Variants in FBXL13 observed in about 807,000 individuals in gnomAD.
FBXL13 encodes the protein F-box and leucine-rich repeat protein 13.
In FBXL13, 67 loss-of-function variants were observed where a neutral mutation model predicts 83.6. That is an observed-to-expected ratio of 0.80 (90% CI 0.66 to 0.98). FBXL13 has a LOEUF of 0.98. Ranked by LOEUF, FBXL13 falls within the 50% of genes least tolerant of loss-of-function variation. The pLI, the probability that FBXL13 is intolerant of heterozygous loss-of-function variation, is 0.00. For missense variants in FBXL13, 822 were observed against 866.5 expected (o/e 0.95, Z 0.64); for synonymous variants, 272 against 299.5 (o/e 0.91, Z 0.95).
chr7:103,073,984 T>G (rs1056224106), intron 1 of FBXL13, among the ~76,000 whole-genome samples: 28 of 151,968 alleles, frequency 1.8e-4, no homozygotes, highest in African/African-American at 6.8e-4. Context: ...AAAAAAGAGG[T>G]CAACAAAGGC....
intron 1 of FBXL13, among the ~76,000 whole-genome samples, chr7:103,056,213 C>CAT (rs1482884226): frequency 3.3e-5 from 5 of 152,148 alleles, no homozygotes; most frequent in Non-Finnish European, 7.4e-5. Flanking sequence ...CATATTGCAT[C>CAT]ATATATATAT....
At chr7:102,931,970 T>C (rs1214536158) in intron 8 of FBXL13, 37 bp from the exon 10 acceptor site, 3 of 1,591,950 alleles carry the variant, frequency 1.9e-6, no homozygotes, top group African/African-American at 1.3e-5. Context: ...AAACTACATA[T>C]TGCAAATGTT....
chr7:102,910,056 T>C (rs1396556339), intron 11 of FBXL13, among the ~76,000 whole-genome samples: 1 of 152,160 alleles, frequency 6.6e-6, no homozygotes, highest in African/African-American at 2.4e-5. Context: ...TTTGTAGAAC[T>C]CAAGTTCTGA....
At chr7:102,973,618 C>G (rs2129482558) in intron 6 of FBXL13, 1 of 766,228 alleles carries the variant, frequency 1.3e-6, no homozygotes. Flanking sequence ...AATCTTTCAT[C>G]TGGTGCCGAA....
intron 9 of FBXL13, among the ~76,000 whole-genome samples, chr7:102,931,145 A>C (rs1225277052): frequency 6.6e-6 from 1 of 152,202 alleles, no homozygotes; most frequent in African/African-American, 2.4e-5. Context: ...TTGGGGACAA[A>C]GGGAAAGGGC....
chr7:102,948,327 G>A (rs1443101072), intron 8 of FBXL13, among the ~76,000 whole-genome samples: 1 of 152,086 alleles, frequency 6.6e-6, no homozygotes, highest in Non-Finnish European at 1.5e-5. Flanking sequence ...GCTTCCCAAT[G>A]TGCTGGGATT....
chr7:102,912,829 T>C (rs1009112436), intron 11 of FBXL13, among the ~76,000 whole-genome samples: 35 of 152,200 alleles, frequency 2.3e-4, no homozygotes, highest in Admixed American at 2.0e-3. Flanking sequence ...GCTCAGACTG[T>C]CTCCACAAAA....
intron 14 of FBXL13, among the ~76,000 whole-genome samples, chr7:102,882,498 A>C (rs1311957051): frequency 6.6e-6 from 1 of 151,466 alleles, no homozygotes; most frequent in Non-Finnish European, 1.5e-5. Flanking sequence ...GCAGAGGCTC[A>C]CACTTGTATT....
intron 11 of FBXL13, among the ~76,000 whole-genome samples, chr7:102,890,182 A>G (rs1296137610): frequency 6.6e-6 from 1 of 152,214 alleles, no homozygotes; most frequent in Admixed American, 6.5e-5. Context: ...TCCTCTTCCT[A>G]AAATAATAGA....
chr7:102,958,620 A>G (rs1323304953), intron 8 of FBXL13, among the ~76,000 whole-genome samples: 1 of 151,870 alleles, frequency 6.6e-6, no homozygotes, highest in African/African-American at 2.4e-5. Context: ...AAGGTTTATA[A>G]TTATTTTATT....
rs144807462 is a variant in FBXL13, at chr7:102,977,955, G to T, written c.496-9838C>A. Among the ~76,000 whole-genome samples, 334 of 152,218 alleles carry T rather than the reference G, an allele frequency of 2.2e-3. 2 individuals carry two copies. The highest frequency in any genetic ancestry group is 7.6e-3 in the African/African-American group (317 of 41,538). On this transcript the variant is annotated intron_variant, in intron 6 of 19. Transcript: ENST00000313221. ...CACACCGGGGCCTGTTGTGGGGTGG[G>T]GGGAGAGGGGACGGATAGCATTAGG...
At chr7:102,833,141 T>A (rs754679406) in intron 17 of FBXL13, among the ~76,000 whole-genome samples, 167 bp from the exon 19 acceptor site, 1 of 152,230 alleles carries the variant, frequency 6.6e-6, no homozygotes, top group African/African-American at 2.4e-5. Flanking sequence ...AACATCTGTT[T>A]ATAGCAAAAG....
intron 8 of FBXL13, among the ~76,000 whole-genome samples, chr7:102,962,382 G>T (rs1825373157): frequency 6.6e-6 from 1 of 152,170 alleles, no homozygotes; most frequent in Non-Finnish European, 1.5e-5. Flanking sequence ...TACACTGTCG[G>T]TGGGACTGTA....
chr7:102,999,182 A>G (rs922362824), intron 6 of FBXL13, among the ~76,000 whole-genome samples: 2 of 152,032 alleles, frequency 1.3e-5, no homozygotes, highest in Admixed American at 6.6e-5. Flanking sequence ...TGAAATGTTC[A>G]TACGGTTGTC....
intron 1 of FBXL13, among the ~76,000 whole-genome samples, chr7:103,069,714 C>A (rs1213696023): frequency 6.6e-6 from 1 of 152,238 alleles, no homozygotes; most frequent in African/African-American, 2.4e-5. Flanking sequence ...CGAACCTTTG[C>A]TGGCGAAAGA....
chr7:102,834,135 A>AG (rs1562926558), intron 17 of FBXL13, among the ~76,000 whole-genome samples: 2 of 66,846 alleles, frequency 3.0e-5, no homozygotes, highest in African/African-American at 2.0e-4. Flanking sequence ...AGAAAGAAAG[A>AG]AAGAAAAGAG....
intron 9 of FBXL13, among the ~76,000 whole-genome samples, chr7:102,930,626 C>G (rs987269360): frequency 6.6e-6 from 1 of 152,142 alleles, no homozygotes; most frequent in African/African-American, 2.4e-5. Flanking sequence ...TTCTGAAACT[C>G]TTTACTCACT....
At chr7:103,028,652 A>T in exon 4 of FBXL13, 1 of 1,601,418 alleles carries the variant, frequency 6.2e-7, no homozygotes, top group South Asian at 1.1e-5. Flanking sequence ...GATGAAATAC[A>T]GATTTTTGAA....
At chr7:103,056,760 G>A (rs1797377360) in intron 1 of FBXL13, among the ~76,000 whole-genome samples, 1 of 151,968 alleles carries the variant, frequency 6.6e-6, no homozygotes, top group Non-Finnish European at 1.5e-5. Flanking sequence ...GCCCAGCCTA[G>A]TTTACATTTT....
Sources: allele counts gnomAD v4.1 joint callset (sites outside exome capture counted in the v4.1 genomes callset), GRCh38; gene constraint gnomAD v4.1.1; transcripts MANE v1.5; gene names NCBI Gene and HGNC (gene_info 2026-07-23, HGNC 2026-07-21).